Variants in EPHB1 observed in about 807,000 individuals in gnomAD.
EPHB1 encodes the protein EPH receptor B1, also known as ephrin type-B receptor 1.
A neutral mutation model predicts 94.4 loss-of-function variants in EPHB1; 30 were observed. The observed-to-expected ratio is 0.32, with a 90% CI of 0.24 to 0.43. The LOEUF (loss-of-function observed/expected upper bound fraction) is 0.43, where lower values mean the gene tolerates loss of function less well. Ranked by LOEUF, EPHB1 falls within the 20% of genes least tolerant of loss-of-function variation. EPHB1 has a pLI of 1.00. For missense variants in EPHB1, 1,055 were observed against 1,308.3 expected (o/e 0.81, Z 2.99); for synonymous variants, 522 against 489.1 (o/e 1.07, Z -0.89).
intron 1 of EPHB1, among the ~76,000 whole-genome samples, chr3:134,886,170 A>C (rs1390307903): frequency 6.6e-6 from 1 of 152,206 alleles, no homozygotes; most frequent in African/African-American, 2.4e-5. Context: ...GCCCATTTCC[A>C]CAAGTGTGAC....
At chr3:135,129,017 T>A (rs897591705) in intron 4 of EPHB1, among the ~76,000 whole-genome samples, 1 of 152,140 alleles carries the variant, frequency 6.6e-6, no homozygotes, top group African/African-American at 2.4e-5. Flanking sequence ...TTTCTGCTCC[T>A]TGGAAGGAAG....
intron 15 of EPHB1, among the ~76,000 whole-genome samples, chr3:135,257,533 G>T (rs1387108604): frequency 6.6e-6 from 1 of 152,086 alleles, no homozygotes; most frequent in South Asian, 2.1e-4. Context: ...TTGCTGGGGG[G>T]GTCAGGGGTC....
intron 3 of EPHB1, among the ~76,000 whole-genome samples, chr3:135,085,790 ACCT>A (rs1337635047): frequency 6.6e-6 from 1 of 151,836 alleles, no homozygotes; most frequent in Non-Finnish European, 1.5e-5. Context: ...TATTATTAAC[ACCT>A]CCTTCTGTCT....
intron 4 of EPHB1, among the ~76,000 whole-genome samples, chr3:135,111,689 T>C (rs985791568): frequency 6.6e-6 from 1 of 151,834 alleles, no homozygotes; most frequent in African/African-American, 2.4e-5. Flanking sequence ...ATTTTCACTC[T>C]TTTTTTTTGA....
intron 4 of EPHB1, among the ~76,000 whole-genome samples, chr3:135,119,454 CTTTTT>C (rs11363986): frequency 1.3e-5 from 2 of 151,572 alleles, no homozygotes; most frequent in African/African-American, 4.8e-5. Flanking sequence ...CTTTTTCTTT[CTTTTT>C]TTTGTTTTCT....
intron 2 of EPHB1, among the ~76,000 whole-genome samples, chr3:134,944,221 G>T (rs1377236002): frequency 6.6e-6 from 1 of 152,188 alleles, no homozygotes; most frequent in South Asian, 2.1e-4. Flanking sequence ...AAAATATGTG[G>T]TCTTTTGAGA....
intron 3 of EPHB1, among the ~76,000 whole-genome samples, chr3:134,975,519 C>G (rs1235059391): frequency 1.3e-5 from 2 of 152,138 alleles, no homozygotes; most frequent in African/African-American, 4.8e-5. Flanking sequence ...AGACAGCCTC[C>G]CAGGACTGTC....
At chr3:134,926,019 C>A in intron 2 of EPHB1, 139 bp downstream of exon 2, 1 of 673,768 alleles carries the variant, frequency 1.5e-6, no homozygotes, top group South Asian at 2.5e-5. Flanking sequence ...ACTGCCCATC[C>A]ATGCAAAGAC....
At chr3:134,921,502 T>G (rs1036935645) in intron 1 of EPHB1, among the ~76,000 whole-genome samples, 2 of 152,214 alleles carry the variant, frequency 1.3e-5, no homozygotes, top group African/African-American at 4.8e-5. Context: ...TTGCTTCTTG[T>G]CCTTTCCTCA....
chr3:134,926,434 A>G (rs1015493148), intron 2 of EPHB1, among the ~76,000 whole-genome samples: 2 of 152,232 alleles, frequency 1.3e-5, no homozygotes, highest in Non-Finnish European at 1.5e-5. Context: ...GGAATGAGAA[A>G]CCATGAGGTT....
At chr3:134,887,378 C>T (rs987719290) in intron 1 of EPHB1, among the ~76,000 whole-genome samples, 2 of 152,132 alleles carry the variant, frequency 1.3e-5, no homozygotes, top group Non-Finnish European at 1.5e-5. Context: ...TGCTATTGGT[C>T]AAAGCAAGTC....
In EPHB1 at chr3:135,106,671, G is replaced by A. The variant is rs1455594731; in HGVS notation, c.961+68G>A. Reference sequence around the variant, plus strand: ...CTGATGGTGCAAGTGGTGGGTCTGGGGCAAGGAAGAGAAGACATCATCCTT... The same window carrying A: ...CTGATGGTGCAAGTGGTGGGTCTGGAGCAAGGAAGAGAAGACATCATCCTT... On this transcript the variant is annotated intron_variant, in intron 4 of 15. Transcript: ENST00000398015. 67 of 1,585,164 alleles carry A rather than the reference G, an allele frequency of 4.2e-5. No individual in the cohort carries two copies. The East Asian group carries it at 1.3e-3, about 31-fold the overall frequency.
At chr3:135,201,363 G>A in intron 11 of EPHB1, 111 bp from the exon 12 acceptor site, 1 of 1,038,546 alleles carries the variant, frequency 9.6e-7, no homozygotes. Context: ...ACAGTGAGTG[G>A]CTTGGCCTGG....
intron 11 of EPHB1, among the ~76,000 whole-genome samples, chr3:135,194,349 A>G (rs1330834188): frequency 1.3e-5 from 2 of 152,194 alleles, no homozygotes; most frequent in Admixed American, 1.3e-4. Context: ...CCCATAAGTT[A>G]AGTACAGATG....
At chr3:135,201,160 T>C (rs1942742076) in intron 11 of EPHB1, among the ~76,000 whole-genome samples, 1 of 151,776 alleles carries the variant, frequency 6.6e-6, no homozygotes, top group Admixed American at 6.6e-5. Context: ...GAGAATGGAT[T>C]GGGGGGCGGG....
intron 1 of EPHB1, among the ~76,000 whole-genome samples, chr3:134,857,490 G>T (rs905080649): frequency 6.6e-6 from 1 of 152,096 alleles, no homozygotes; most frequent in Non-Finnish European, 1.5e-5. Flanking sequence ...TGGGGTCCGT[G>T]CCCACTCCAG....
chr3:134,914,193 C>A (rs1161663832), intron 1 of EPHB1, among the ~76,000 whole-genome samples: 1 of 152,158 alleles, frequency 6.6e-6, no homozygotes, highest in African/African-American at 2.4e-5. Flanking sequence ...CAGTGGCCAG[C>A]CCAGTCTCAA....
intron 5 of EPHB1, among the ~76,000 whole-genome samples, chr3:135,149,705 T>C (rs542203615): frequency 6.6e-6 from 1 of 152,368 alleles, no homozygotes; most frequent in East Asian, 1.9e-4. Context: ...TCCCATGTGC[T>C]AAATCCCATC....
In EPHB1 at chr3:135,228,744, G is replaced by A. The variant is rs555048241; in HGVS notation, c.2347-12404G>A. Among the ~76,000 whole-genome samples, 10 of 122,624 alleles carry A rather than the reference G, an allele frequency of 8.2e-5. No homozygotes were observed. In the South Asian group the frequency reaches 2.4e-3, roughly 30 times the overall value. 80.4% of individuals were successfully genotyped at this position (122,624 alleles called of 152,430 possible). On this transcript the variant is annotated intron_variant, in intron 12 of 15. Coordinates refer to ENST00000398015, the MANE Select transcript of EPHB1 (RefSeq NM_004441.5). ...GTCGGGCAGTCTGAGGGGTGACAGC[G>A]TGGGTGGGGTGGGACCCTTGGCTGA...
Sources: allele counts gnomAD v4.1 joint callset (sites outside exome capture counted in the v4.1 genomes callset), GRCh38; gene constraint gnomAD v4.1.1; transcripts MANE v1.5; gene names NCBI Gene and HGNC (gene_info 2026-07-23, HGNC 2026-07-21).